The following LRMDA variants were observed in gnomAD, a reference collection of about 807,000 sequenced individuals.
The protein encoded by LRMDA is leucine-rich melanocyte differentiation-associated protein.
LRMDA carries 18 observed loss-of-function variants against 29.8 expected under a neutral mutation model. The observed-to-expected ratio is 0.60, with a 90% CI of 0.42 to 0.90. LRMDA has a LOEUF of 0.90. Ranked by LOEUF, LRMDA falls within the 40% of genes least tolerant of loss-of-function variation. The pLI is 0.00. For synonymous variants in LRMDA, 125 were observed against 109.4 expected (o/e 1.14, Z -0.89); for missense variants, 273 against 273.9 (o/e 1.00, Z 0.02).
chr10:76,457,009 G>C (rs1304235667), intron 6 of LRMDA, among the ~76,000 whole-genome samples: 1 of 152,086 alleles, frequency 6.6e-6, no homozygotes, highest in African/African-American at 2.4e-5. Context: ...CTCCGACTTT[G>C]AACATTTTCG....
At chr10:76,414,466 G>A (rs1337446435) in intron 6 of LRMDA, among the ~76,000 whole-genome samples, 1 of 152,022 alleles carries the variant, frequency 6.6e-6, no homozygotes, top group East Asian at 1.9e-4. Flanking sequence ...CCCTACAAGT[G>A]CTGGGCCTGG....
At chr10:75,487,225 A>G (rs1262832923) in intron 2 of LRMDA, among the ~76,000 whole-genome samples, 1 of 152,204 alleles carries the variant, frequency 6.6e-6, no homozygotes, top group Non-Finnish European at 1.5e-5. Flanking sequence ...CAGCCTCCAT[A>G]TAATATATAG....
intron 2 of LRMDA, among the ~76,000 whole-genome samples, chr10:75,891,355 G>C (rs1845487997): frequency 6.6e-6 from 1 of 152,212 alleles, no homozygotes; most frequent in Non-Finnish European, 1.5e-5. Context: ...AATTCTGATT[G>C]TTGGGTCCCA....
chr10:75,967,481 C>T (rs1461444907), intron 2 of LRMDA, among the ~76,000 whole-genome samples: 1 of 152,076 alleles, frequency 6.6e-6, no homozygotes, highest in African/African-American at 2.4e-5. Context: ...ATGTTATAAT[C>T]GCAAAGAACT....
rs567002303 is a variant in LRMDA, at chr10:76,298,493, A to G, written c.517-25908A>G. 7.0e-4 allele frequency among the ~76,000 whole-genome samples: 107 copies of G among 152,298 alleles called. 1 individual carries two copies. The South Asian group carries it at 7.3e-3, about 10-fold the overall frequency. ...GTGTCAGGCCTGGTACTAGTGCCTA[A>G]ATTACAAAGGTAGGAGAGGAAATGA... is the stretch of plus-strand genomic sequence containing the variant. On this transcript the variant is annotated intron_variant, in intron 5 of 6. Coordinates refer to ENST00000611255, the MANE Select transcript of LRMDA (RefSeq NM_001305581.2).
intron 6 of LRMDA, among the ~76,000 whole-genome samples, chr10:76,376,853 G>A (rs1357643298): frequency 1.0e-5 from 1 of 98,908 alleles, no homozygotes; most frequent in Non-Finnish European, 2.0e-5. Flanking sequence ...TGTTTGTTGG[G>A]CACTTGGAAG....
chr10:75,995,481 G>A (rs1847446223), intron 2 of LRMDA, among the ~76,000 whole-genome samples: 1 of 152,146 alleles, frequency 6.6e-6, no homozygotes, highest in Admixed American at 6.5e-5. Flanking sequence ...CTACCCCTAG[G>A]TGGGAAACTG....
chr10:75,783,252 A>G (rs1485627130), intron 2 of LRMDA, among the ~76,000 whole-genome samples: 1 of 152,202 alleles, frequency 6.6e-6, no homozygotes, highest in Non-Finnish European at 1.5e-5. Flanking sequence ...CCTCGATCAC[A>G]TAGTCCTCAT....
chr10:75,503,887 G>C (rs1462042321), intron 2 of LRMDA, among the ~76,000 whole-genome samples: 1 of 152,088 alleles, frequency 6.6e-6, no homozygotes, highest in Non-Finnish European at 1.5e-5. Context: ...TCAACAATCT[G>C]GAAGTGTAAG....
At position 76,160,205 on chromosome 10, in the gene LRMDA, C is replaced by CT. The variant is rs566467054; in HGVS notation, c.516+101437dup. Among the ~76,000 whole-genome samples the CT allele has an allele frequency of 6.0e-3, 799 of 133,718 alleles. 6 individuals are homozygous for CT. The highest frequency in any genetic ancestry group is 0.012 in the Middle Eastern group (3 of 250). The allele number at this position is 133,718 out of a possible 152,430, so 87.7% of individuals were successfully genotyped here. On this transcript the variant is annotated intron_variant, in intron 5 of 6. Coordinates refer to ENST00000611255, the MANE Select transcript of LRMDA (RefSeq NM_001305581.2). ...AATTTAAAACTGCTCTAAGAGAAGT[C>CT]TTTTTTTTTTTTTTTAAAGGGAAAT...
At chr10:75,632,407 C>A (rs1281404567) in intron 2 of LRMDA, among the ~76,000 whole-genome samples, 1 of 152,102 alleles carries the variant, frequency 6.6e-6, no homozygotes, top group Non-Finnish European at 1.5e-5. Context: ...TGTGTTATCT[C>A]TTTTTTCTTT....
intron 2 of LRMDA, among the ~76,000 whole-genome samples, chr10:76,001,433 A>T (rs1847561058): frequency 1.3e-5 from 2 of 152,150 alleles, no homozygotes; most frequent in South Asian, 4.1e-4. Flanking sequence ...TGATTTATGA[A>T]GTTTCAATGT....
At chr10:76,080,436 G>A (rs889457089) in intron 5 of LRMDA, among the ~76,000 whole-genome samples, 1 of 152,148 alleles carries the variant, frequency 6.6e-6, no homozygotes, top group Non-Finnish European at 1.5e-5. Flanking sequence ...TACTGAGACA[G>A]TCACCTTCTT....
intron 2 of LRMDA, among the ~76,000 whole-genome samples, chr10:75,987,775 A>G (rs1490104347): frequency 1.3e-5 from 2 of 152,338 alleles, no homozygotes; most frequent in African/African-American, 4.8e-5. Context: ...CTTTTGCAGA[A>G]GCAGCAGAAG....
chr10:76,118,506 G>A (rs1476555756), intron 5 of LRMDA, among the ~76,000 whole-genome samples: 1 of 152,166 alleles, frequency 6.6e-6, no homozygotes, highest in African/African-American at 2.4e-5. Flanking sequence ...AGGCGAAGAT[G>A]AGCTATATTT....
intron 5 of LRMDA, among the ~76,000 whole-genome samples, chr10:76,246,667 G>A (rs2132291630): frequency 6.6e-6 from 1 of 152,286 alleles, no homozygotes; most frequent in South Asian, 2.1e-4. Context: ...TACGGCCCTG[G>A]ATTAGTCCAA....
intron 5 of LRMDA, among the ~76,000 whole-genome samples, chr10:76,316,098 GGGC>G (rs1840694240): frequency 6.6e-6 from 1 of 152,186 alleles, no homozygotes; most frequent in Non-Finnish European, 1.5e-5. Flanking sequence ...AACACAAACA[GGGC>G]TGAAACACGC....
chr10:75,808,834 A>G (rs1321808476), intron 2 of LRMDA, among the ~76,000 whole-genome samples: 1 of 152,140 alleles, frequency 6.6e-6, no homozygotes, highest in Non-Finnish European at 1.5e-5. Flanking sequence ...TAAAGGCTTC[A>G]TGAGGAATTT....
chr10:75,539,687 A>G (rs1480267633), intron 2 of LRMDA, among the ~76,000 whole-genome samples: 1 of 152,226 alleles, frequency 6.6e-6, no homozygotes, highest in Non-Finnish European at 1.5e-5. Flanking sequence ...ACCTGGTTAG[A>G]GTTAAATATA....
Sources: gnomAD v4.1 joint callset for allele counts (sites outside exome capture counted in the v4.1 genomes callset) on GRCh38, gnomAD v4.1.1 for gene constraint, MANE v1.5 for transcripts, NCBI Gene and HGNC (gene_info 2026-07-23, HGNC 2026-07-21) for gene names.